The following KCNK10 variants were observed in gnomAD, a reference collection of about 807,000 sequenced individuals.
KCNK10 encodes the protein potassium channel subfamily K member 10.
KCNK10 carries 25 observed loss-of-function variants against 47.7 expected under a neutral mutation model. The observed-to-expected ratio is 0.52, with a 90% CI of 0.38 to 0.73. The LOEUF (loss-of-function observed/expected upper bound fraction) is 0.73. KCNK10 is among the 30% of genes least tolerant of loss of function. The pLI is 0.00. For missense variants in KCNK10, 563 were observed against 714.5 expected (o/e 0.79, Z 2.42); for synonymous variants, 303 against 285.6 (o/e 1.06, Z -0.61).
At chr14:88,248,736 ATTCTGTGCCAAAAAAAAAAAAAATCATT>A (rs1250450459) in intron 2 of KCNK10, among the ~76,000 whole-genome samples, 1 of 148,114 alleles carries the variant, frequency 6.8e-6, no homozygotes, top group Non-Finnish European at 1.5e-5. Context: ...ACAGAACAAG[ATTCTGTGCCAAAAAAAAAAAAAATCATT>A]TTCTGTGCCT....
At chr14:88,203,273 G>T (rs538933395) in intron 4 of KCNK10, among the ~76,000 whole-genome samples, 1 of 152,330 alleles carries the variant, frequency 6.6e-6, no homozygotes, top group African/African-American at 2.4e-5. Flanking sequence ...TTTTAACAAG[G>T]TACCTTCCCA....
intron 4 of KCNK10, among the ~76,000 whole-genome samples, chr14:88,209,522 GC>G (rs1885389842): frequency 6.6e-6 from 1 of 152,376 alleles, no homozygotes; most frequent in Admixed American, 6.5e-5. Flanking sequence ...CTGCACTCTT[GC>G]TTGTGCTGTT....
At chr14:88,318,465 T>C (rs1280911913) in intron 1 of KCNK10, among the ~76,000 whole-genome samples, 2 of 152,142 alleles carry the variant, frequency 1.3e-5, no homozygotes, top group African/African-American at 2.4e-5. Flanking sequence ...GACAATCGAA[T>C]AGGTGACACA....
At chr14:88,236,018 T>C (rs56309335) in intron 3 of KCNK10, among the ~76,000 whole-genome samples, 4,690 of 152,272 alleles carry the variant, frequency 0.031, 126 homozygotes, top group African/African-American at 0.066. Context: ...TGAGACCAGT[T>C]AAAAAGAAAA....
chr14:88,283,576 AT>A (rs1395252593), intron 1 of KCNK10, among the ~76,000 whole-genome samples: 2 of 152,252 alleles, frequency 1.3e-5, no homozygotes, highest in Non-Finnish European at 2.9e-5. Flanking sequence ...ATTCAATTGA[AT>A]TAAACAAAAT....
At chr14:88,236,232 A>C (rs1378270033) in intron 3 of KCNK10, among the ~76,000 whole-genome samples, 2 of 152,050 alleles carry the variant, frequency 1.3e-5, no homozygotes, top group African/African-American at 4.8e-5. Context: ...CCAAAAGATC[A>C]CTTGGGCCCA....
chr14:88,205,847 T>C (rs1302175250), intron 4 of KCNK10, among the ~76,000 whole-genome samples: 1 of 152,178 alleles, frequency 6.6e-6, no homozygotes, highest in Admixed American at 6.5e-5. Context: ...TGGCCCGTAG[T>C]GCATTTTTCT....
chr14:88,276,381 C>T (rs1033650142), intron 1 of KCNK10, among the ~76,000 whole-genome samples: 24 of 152,102 alleles, frequency 1.6e-4, no homozygotes, highest in Non-Finnish European at 1.3e-4. Context: ...TCTTGATCTT[C>T]CCAGCCTCCA....
intron 3 of KCNK10, among the ~76,000 whole-genome samples, chr14:88,229,998 TCTC>T (rs1886110939): frequency 6.6e-6 from 1 of 152,156 alleles, no homozygotes; most frequent in Non-Finnish European, 1.5e-5. Flanking sequence ...ATTTACCAAC[TCTC>T]AGGTCATAGG....
rs557372997 is a variant in KCNK10, at chr14:88,210,599, C to T, written c.681+16776G>A. Among the ~76,000 whole-genome samples, 22 of 152,180 alleles carry T rather than the reference C, an allele frequency of 1.4e-4. No homozygotes were observed. The South Asian group carries it at 3.7e-3, about 26-fold the overall frequency. On this transcript the variant is annotated intron_variant, in intron 4 of 6. Transcript: ENST00000319231. Reference sequence around the variant, plus strand: ...GCCACCCGTCCTCCCACCAGCTCTGCGCACAGGGCCCAAGCTGACGAGTAG... The same window carrying T: ...GCCACCCGTCCTCCCACCAGCTCTGTGCACAGGGCCCAAGCTGACGAGTAG...
At chr14:88,208,173 A>G (rs1885341696) in intron 4 of KCNK10, among the ~76,000 whole-genome samples, 1 of 152,252 alleles carries the variant, frequency 6.6e-6, no homozygotes, top group Non-Finnish European at 1.5e-5. Flanking sequence ...TTATTTCCCT[A>G]AAAATAGAAA....
At chr14:88,205,540 TTC>T (rs1885241582) in intron 4 of KCNK10, among the ~76,000 whole-genome samples, 1 of 139,712 alleles carries the variant, frequency 7.2e-6, no homozygotes, top group African/African-American at 2.7e-5. Context: ...TTCTTTTCTT[TTC>T]TTTTTTTTTT....
intron 3 of KCNK10, among the ~76,000 whole-genome samples, chr14:88,236,820 A>G (rs556126924): frequency 6.6e-6 from 1 of 152,204 alleles, no homozygotes; most frequent in Admixed American, 6.5e-5. Context: ...CAAAAATTCT[A>G]ATAATAATCT....
chr14:88,258,585 G>A (rs61976997), intron 2 of KCNK10, among the ~76,000 whole-genome samples: 32,686 of 152,022 alleles, frequency 0.22, 4,584 homozygotes, highest in Non-Finnish European at 0.3. Flanking sequence ...CACCGAACCC[G>A]GCCGCGTCTT....
chr14:88,232,803 G>A (rs569408764), intron 3 of KCNK10, among the ~76,000 whole-genome samples: 1 of 152,324 alleles, frequency 6.6e-6, no homozygotes, highest in South Asian at 2.1e-4. Flanking sequence ...TTCCTGTTCA[G>A]CATCCACCTT....
At chr14:88,238,614 C>T (rs1166792345) in intron 3 of KCNK10, among the ~76,000 whole-genome samples, 1 of 152,170 alleles carries the variant, frequency 6.6e-6, no homozygotes, top group Non-Finnish European at 1.5e-5. Context: ...ATCAAGGCTG[C>T]AGTGAACCAT....
intron 2 of KCNK10, among the ~76,000 whole-genome samples, chr14:88,253,875 G>T (rs1302656759): frequency 5.3e-5 from 8 of 152,186 alleles, no homozygotes; most frequent in Non-Finnish European, 8.8e-5. Flanking sequence ...TCCAGTCTGG[G>T]CAACAGAGTG....
intron 1 of KCNK10, among the ~76,000 whole-genome samples, chr14:88,270,184 T>C (rs2139761872): frequency 6.6e-6 from 1 of 151,316 alleles, no homozygotes; most frequent in East Asian, 2.0e-4. Context: ...TTCCAAAGAG[T>C]CCCAGGTTAC....
At chr14:88,212,132 CGAGA>C (rs56111427) in intron 4 of KCNK10, among the ~76,000 whole-genome samples, 6 of 118,692 alleles carry the variant, frequency 5.1e-5, no homozygotes, top group Non-Finnish European at 3.6e-5. Flanking sequence ...ATATATATAT[CGAGA>C]GAGAGAGAGA....
Sources: allele counts gnomAD v4.1 joint callset (sites outside exome capture counted in the v4.1 genomes callset), GRCh38; gene constraint gnomAD v4.1.1; transcripts MANE v1.5; gene names NCBI Gene and HGNC (gene_info 2026-07-23, HGNC 2026-07-21).